The following ZNF618 variants were observed in gnomAD, a reference collection of about 807,000 sequenced individuals.
ZNF618 encodes neural precursor cell expressed, developmentally down-regulated 10.
In ZNF618, 34 loss-of-function variants were observed where a neutral mutation model predicts 103.0. That is an observed-to-expected ratio of 0.33 (90% confidence interval 0.25 to 0.44). ZNF618 has a LOEUF of 0.44. ZNF618 is among the 20% of genes least tolerant of loss of function. ZNF618 has a pLI of 1.00. For missense variants in ZNF618, 1,059 were observed against 1,295.4 expected (o/e 0.82, Z 2.80); for synonymous variants, 551 against 542.2 (o/e 1.02, Z -0.23).
rs531098757 is a variant in ZNF618 at position 114,008,528 on chromosome 9, C to T, written c.728C>T (p.Pro243Leu). ...ACGGACGAGGTGAAGGAGGAGCCCC[C>T]GGAGCCATTCCAGAAAATCGGGCCA... ...VATDEVKEEP[P>L]EPFQKIGPKT... The change falls in exon 9 of 15, where the codon CCG becomes CTG. Residue 243 changes from proline (P) to leucine (L), a missense_variant. Physicochemically the swap from Pro to Leu is moderately conservative, Grantham distance 98. Coordinates refer to ENST00000374126, the MANE Select transcript of ZNF618 (RefSeq NM_001318042.2). 1.2e-5 allele frequency: 20 copies of T among 1,613,944 alleles called. No homozygotes were observed. The highest frequency in any genetic ancestry group is 6.7e-5 in the Admixed American group (4 of 60,020).
At chr9:113,999,888 T>C (rs1247081496) in intron 4 of ZNF618, among the ~76,000 whole-genome samples, 1 of 152,124 alleles carries the variant, frequency 6.6e-6, no homozygotes, top group East Asian at 1.9e-4. Flanking sequence ...TGAAGGGGAA[T>C]TGGCAGAAAC....
chr9:113,978,900 CACTCATT>C, intron 2 of ZNF618, among the ~76,000 whole-genome samples: 1 of 152,294 alleles, frequency 6.6e-6, no homozygotes, highest in East Asian at 1.9e-4. Context: ...ATGTCATAAG[CACTCATT>C]ACACCACAGC....
At chr9:114,006,875 G>A (rs538496602) in intron 6 of ZNF618, among the ~76,000 whole-genome samples, 2 of 152,260 alleles carry the variant, frequency 1.3e-5, no homozygotes, top group Admixed American at 6.5e-5. Context: ...TTCACCAGAG[G>A]CCACCCTCAG....
In ZNF618 at chr9:114,039,356, T is replaced by C. The variant is rs12685486; in HGVS notation, c.1246+2979T>C. 7.2e-3 allele frequency among the ~76,000 whole-genome samples: 1,039 copies of C among 144,268 alleles called. 5 individuals carry two copies. Among genetic ancestry groups the C allele is most frequent in the Middle Eastern group, 0.018 (5 of 280 alleles). The allele number at this position is 144,268 out of a possible 152,430, so 94.6% of individuals were successfully genotyped here. A position where few individuals can be genotyped will look rare whatever the true frequency, so the allele number is the denominator to read the frequency against. ...TTCTTGTTTGTTTTTTTTTTTTTTT[T>C]TTTCCTTTGAGACAGAGTCTCGATC... is the stretch of plus-strand genomic sequence containing the variant. On this transcript the variant is annotated intron_variant, in intron 13 of 14. Transcript: ENST00000374126.
At chr9:114,009,206 C>G (rs1842030024) in intron 9 of ZNF618, among the ~76,000 whole-genome samples, 1 of 152,168 alleles carries the variant, frequency 6.6e-6, no homozygotes, top group Admixed American at 6.5e-5. Flanking sequence ...GATCATTGAA[C>G]AGATAGTTCC....
At chr9:113,921,116 T>G (rs1832600807) in intron 1 of ZNF618, among the ~76,000 whole-genome samples, 1 of 152,352 alleles carries the variant, frequency 6.6e-6, no homozygotes, top group Non-Finnish European at 1.5e-5. Context: ...AAAAAGTTAC[T>G]TGAGCATATG....
intron 1 of ZNF618, among the ~76,000 whole-genome samples, chr9:113,919,119 G>GCA (rs1832398606): frequency 6.6e-6 from 1 of 152,120 alleles, no homozygotes; most frequent in African/African-American, 2.4e-5. Context: ...GGATCCCAGG[G>GCA]CATCCCCCAT....
intron 1 of ZNF618, among the ~76,000 whole-genome samples, chr9:113,961,398 G>T (rs957291924): frequency 6.6e-6 from 1 of 152,246 alleles, no homozygotes; most frequent in African/African-American, 2.4e-5. Context: ...TTGGGCGAAT[G>T]AATAAGGAAC....
chr9:113,898,438 G>GTTTTTTTT (rs11457055), intron 1 of ZNF618, among the ~76,000 whole-genome samples: 1 of 124,080 alleles, frequency 8.1e-6, no homozygotes, highest in Non-Finnish European at 1.7e-5. Flanking sequence ...CAGATTTTTC[G>GTTTTTTTT]TTTTTTTTTT....
chr9:113,901,510 G>A (rs1222950755), intron 1 of ZNF618, among the ~76,000 whole-genome samples: 2 of 152,190 alleles, frequency 1.3e-5, no homozygotes, highest in Non-Finnish European at 2.9e-5. Flanking sequence ...CTGACAACTT[G>A]AACGAGACAT....
intron 1 of ZNF618, among the ~76,000 whole-genome samples, chr9:113,893,402 T>G (rs539243617): frequency 6.6e-6 from 1 of 152,334 alleles, no homozygotes; most frequent in African/African-American, 2.4e-5. Flanking sequence ...ATAAGTTAAT[T>G]TTTAAACAAT....
In ZNF618 at chr9:114,021,547, A is replaced by G. The variant is rs1349928153; in HGVS notation, c.844+4763A>G. On this transcript the variant is annotated intron_variant, in intron 10 of 14. Coordinates refer to ENST00000374126, the MANE Select transcript of ZNF618 (RefSeq NM_001318042.2). ...ATGAAGGTCATAATTAAGAAAATGA[A>G]TATTTCTGGTGAAGTTTTTAAATAT... Among the ~76,000 whole-genome samples the G allele has an allele frequency of 7.2e-5, 11 of 152,070 alleles. No homozygotes were observed. In the East Asian group the frequency reaches 1.9e-3, roughly 27 times the overall value.
At chr9:113,883,993 C>CT (rs1828795420) in intron 1 of ZNF618, among the ~76,000 whole-genome samples, 1 of 50,160 alleles carries the variant, frequency 2.0e-5, no homozygotes, top group East Asian at 4.2e-4. Flanking sequence ...CCCCCCCCCC[C>CT]CCCCCCCCCG....
chr9:113,981,853 T>C (rs1839009214), intron 2 of ZNF618, among the ~76,000 whole-genome samples: 1 of 152,238 alleles, frequency 6.6e-6, no homozygotes, highest in Admixed American at 6.5e-5. Context: ...GGGCCAGGCA[T>C]TGTGCTAGGG....
intron 1 of ZNF618, among the ~76,000 whole-genome samples, chr9:113,907,948 C>A (rs1285976703): frequency 1.3e-5 from 2 of 152,128 alleles, no homozygotes; most frequent in African/African-American, 4.8e-5. Context: ...GTGTGGGATC[C>A]CTTTCTCAAG....
chr9:113,906,390 A>G (rs1266227101), intron 1 of ZNF618, among the ~76,000 whole-genome samples: 1 of 152,038 alleles, frequency 6.6e-6, no homozygotes, highest in African/African-American at 2.4e-5. Context: ...AGGGTTTCTG[A>G]TGGGCATTTC....
At chr9:113,994,803 T>C (rs1840408065) in intron 3 of ZNF618, among the ~76,000 whole-genome samples, 2 of 152,206 alleles carry the variant, frequency 1.3e-5, no homozygotes, top group Non-Finnish European at 2.9e-5. Context: ...ACATTTGTTT[T>C]TGCTCAATAC....
chr9:113,951,595 G>GTATATATA (rs1382827251), intron 1 of ZNF618, among the ~76,000 whole-genome samples: 10 of 91,410 alleles, frequency 1.1e-4, no homozygotes, highest in Non-Finnish European at 4.5e-5. Flanking sequence ...GTGTGTGTGT[G>GTATATATA]TGTATATATA....
rs909192527 is a variant in ZNF618, at chr9:114,052,519, G to A, written c.*2352G>A. ...GGGAAGAAACATCAGCAGACTTTAT[G>A]ATGTCAGTTGGGCCTTTGGAGGCAT... On this transcript the variant is annotated 3_prime_UTR_variant, in exon 15 of 15. Transcript: ENST00000374126. 1.3e-5 allele frequency: 2 copies of A among 152,290 alleles called. No individual in the cohort carries two copies. Among genetic ancestry groups the A allele is most frequent in the African/African-American group, 4.8e-5 (2 of 41,464 alleles). 9.4% of individuals were successfully genotyped at this position (152,290 alleles called of 1,614,324 possible).
Sources: allele counts gnomAD v4.1 joint callset (sites outside exome capture counted in the v4.1 genomes callset), GRCh38; gene constraint gnomAD v4.1.1; transcripts MANE v1.5; gene names NCBI Gene and HGNC (gene_info 2026-07-23, HGNC 2026-07-21).